COL28A1: variants seen among roughly 807,000 people sequenced by gnomAD.
COL28A1 encodes collagen alpha-1(XXVIII) chain.
In COL28A1, 161 loss-of-function variants were observed where a neutral mutation model predicts 150.2. That is an observed-to-expected ratio of 1.07 (90% CI 0.94 to 1.22). COL28A1 has a LOEUF of 1.22. Ranked by LOEUF, COL28A1 falls within the 50% of genes most tolerant of loss-of-function variation. COL28A1 has a pLI of 0.00. For missense variants in COL28A1, 1,617 were observed against 1,388.3 expected (o/e 1.16, Z -2.62); for synonymous variants, 552 against 469.7 (o/e 1.18, Z -2.26).
intron 27 of COL28A1, among the ~76,000 whole-genome samples, chr7:7,397,848 G>C (rs1204668579): frequency 6.6e-6 from 1 of 152,152 alleles, no homozygotes; most frequent in African/African-American, 2.4e-5. Flanking sequence ...CCTAATTCTT[G>C]AGCTCCATTC....
intron 13 of COL28A1, among the ~76,000 whole-genome samples, chr7:7,477,677 G>C (rs538845028): frequency 1.1e-4 from 16 of 152,322 alleles, no homozygotes; most frequent in Admixed American, 9.8e-4. Context: ...CCTTCGCAGT[G>C]AATGTTACAG....
chr7:7,415,151 T>G (rs892723565), intron 27 of COL28A1, among the ~76,000 whole-genome samples: 2 of 152,162 alleles, frequency 1.3e-5, no homozygotes, highest in African/African-American at 4.8e-5. Context: ...TGGAAGGGGA[T>G]AGAGAGACAG....
downstream of COL28A1, among the ~76,000 whole-genome samples, chr7:7,355,542 G>A (rs1408616064): frequency 6.6e-6 from 1 of 152,026 alleles, no homozygotes; most frequent in Non-Finnish European, 1.5e-5. Flanking sequence ...TCCGGGAGGT[G>A]GAGGTTGCAG....
chr7:7,453,490 C>G lies in COL28A1; in HGVS notation c.1390G>C (p.Gly464Arg), dbSNP rs963604530. Residue 464 changes from glycine (G) to arginine (R), a missense_variant, in exon 17 of 35, where the codon GGT (glycine) becomes CGT (arginine). Physicochemically the swap from Gly to Arg is moderately radical, Grantham distance 125. Coordinates refer to ENST00000399429, the MANE Select transcript of COL28A1 (RefSeq NM_001037763.3). ...GCGGGCCCTTGTGGACCAGGTGGAC[C>G]AATAGGACCTTGGATTCCCTTTAAA... ...QGEQGIQGPIGPPGPQGPAGQ... is the reference protein window; with the variant it reads ...QGEQGIQGPIRPPGPQGPAGQ... The G allele has an allele frequency of 8.3e-7, 1 of 1,202,632 alleles. No individual in the cohort carries two copies. The highest frequency in any genetic ancestry group is 1.2e-6 in the Non-Finnish European group (1 of 811,290). The allele number at this position is 1,202,632 out of a possible 1,614,324, so 74.5% of individuals were successfully genotyped here. A position where few individuals can be genotyped will look rare whatever the true frequency, so the allele number is the denominator to read the frequency against.
At chr7:7,425,560 G>T (rs181825191) in intron 25 of COL28A1, among the ~76,000 whole-genome samples, 1 of 152,134 alleles carries the variant, frequency 6.6e-6, no homozygotes, top group Non-Finnish European at 1.5e-5. Context: ...ACTCCAATGT[G>T]TTAATTGACT....
intron 25 of COL28A1, among the ~76,000 whole-genome samples, chr7:7,429,477 G>A (rs557559919): frequency 1.3e-5 from 2 of 150,630 alleles, no homozygotes; most frequent in Non-Finnish European, 3.0e-5. Flanking sequence ...TGTGTGTGGG[G>A]GGGGGGATGG....
chr7:7,430,243 C>G (rs1217027141), intron 25 of COL28A1, among the ~76,000 whole-genome samples: 2 of 152,136 alleles, frequency 1.3e-5, no homozygotes, highest in East Asian at 3.9e-4. Flanking sequence ...TCTCCTGCCT[C>G]GGCCTCCTGA....
chr7:7,421,249 G>C lies in COL28A1; in HGVS notation c.1999-1296C>G, dbSNP rs1330979802. Among the ~76,000 whole-genome samples the C allele has an allele frequency of 2.6e-5, 4 of 152,106 alleles. No individual in the cohort carries two copies. In the East Asian group the frequency reaches 7.7e-4, roughly 29 times the overall value. On this transcript the variant is annotated intron_variant, in intron 25 of 34. Transcript: ENST00000399429. ...CATTTATAAATAATACCCAGAAAAGGTAACTCTATAGAAACAAAAAGTAGA... is the reference window on the plus strand; with the variant it reads ...CATTTATAAATAATACCCAGAAAAGCTAACTCTATAGAAACAAAAAGTAGA...
At chr7:7,539,217 C>T (rs866278207), upstream of COL28A1, among the ~76,000 whole-genome samples, 2 of 152,188 alleles carry the variant, frequency 1.3e-5, no homozygotes, top group South Asian at 4.1e-4. Context: ...GCTTACAATT[C>T]TGCAGTCTAT....
At chr7:7,393,554 A>T (rs1292193131) in intron 27 of COL28A1, among the ~76,000 whole-genome samples, 1 of 152,208 alleles carries the variant, frequency 6.6e-6, no homozygotes, top group African/African-American at 2.4e-5. Context: ...CTGCACCCAC[A>T]GTCTCCCCTT....
At chr7:7,429,374 CCTTT>C (rs1403650922) in intron 25 of COL28A1, among the ~76,000 whole-genome samples, 1 of 151,282 alleles carries the variant, frequency 6.6e-6, no homozygotes, top group Non-Finnish European at 1.5e-5. Flanking sequence ...GAATTATCTT[CCTTT>C]CTTTGCCAGT....
Position 7,474,573 on chromosome 7 carries a change from TTCCAGTGTACACC to T in COL28A1, c.1302+15_1302+27del. Reference sequence around the variant, plus strand: ...ACAATGACAATTTTATTGGCATTGTTTCCAGTGTACACCCTATTATACAGTACCTTCTCCCCTT... The same window carrying T: ...ACAATGACAATTTTATTGGCATTGTTCTATTATACAGTACCTTCTCCCCTT... On this transcript the variant is annotated intron_variant, in intron 15 of 34. Transcript: ENST00000399429. 1.1e-6 allele frequency: 1 copy of T among 919,068 alleles called. No individual in the cohort carries two copies. Among genetic ancestry groups the T allele is most frequent in the Non-Finnish European group, 1.8e-6 (1 of 552,520 alleles). 56.9% of individuals were successfully genotyped at this position (919,068 alleles called of 1,614,324 possible).
chr7:7,429,899 G>A (rs1784864411), intron 25 of COL28A1, among the ~76,000 whole-genome samples: 1 of 152,126 alleles, frequency 6.6e-6, no homozygotes, highest in African/African-American at 2.4e-5. Flanking sequence ...GACAATGGGA[G>A]TTTCACTTAA....
At chr7:7,439,086 T>A (rs76694917) in intron 21 of COL28A1, among the ~76,000 whole-genome samples, 12 of 152,326 alleles carry the variant, frequency 7.9e-5, no homozygotes, top group Non-Finnish European at 1.3e-4. Flanking sequence ...CTGACTCATG[T>A]CCTCTGAAAA....
intron 12 of COL28A1, 128 bp from the exon 13 acceptor site, chr7:7,489,585 T>TA: frequency 1.5e-6 from 1 of 649,024 alleles, no homozygotes; most frequent in Non-Finnish European, 2.7e-6. Context: ...TTCATAAAGG[T>TA]AAAAAATTCT....
chr7:7,431,295 G>A (rs557213408), intron 25 of COL28A1: 1 of 288,250 alleles, frequency 3.5e-6, no homozygotes, highest in South Asian at 3.2e-5. Flanking sequence ...GGTACACCTA[G>A]TTCTGGTGAC....
At chr7:7,528,260 C>G (rs1782141646) in intron 3 of COL28A1, among the ~76,000 whole-genome samples, 1 of 152,134 alleles carries the variant, frequency 6.6e-6, no homozygotes, top group Non-Finnish European at 1.5e-5. Flanking sequence ...TCTTACTCTT[C>G]TACAGGACCA....
intron 19 of COL28A1, 23 bp from the exon 20 acceptor site, chr7:7,443,676 G>GT: frequency 6.2e-7 from 1 of 1,613,614 alleles, no homozygotes; most frequent in Non-Finnish European, 8.5e-7. Context: ...ACACTGATGT[G>GT]TTAGCTGACC....
At chr7:7,461,848 T>C (rs1203116402) in intron 15 of COL28A1, among the ~76,000 whole-genome samples, 6 of 152,170 alleles carry the variant, frequency 3.9e-5, no homozygotes, top group African/African-American at 1.2e-4. Flanking sequence ...ATGGGAGTTA[T>C]AAGGCCCTGT....
Sources: allele counts gnomAD v4.1 joint callset (sites outside exome capture counted in the v4.1 genomes callset), GRCh38; gene constraint gnomAD v4.1.1; transcripts MANE v1.5; gene names NCBI Gene and HGNC (gene_info 2026-07-23, HGNC 2026-07-21).